Variants in DPY19L2 observed in about 807,000 individuals in gnomAD.
DPY19L2 encodes the protein probable C-mannosyltransferase DPY19L2.
In DPY19L2, 34 loss-of-function variants were observed where a neutral mutation model predicts 97.9. That is an observed-to-expected ratio of 0.35 (90% confidence interval 0.26 to 0.46). The LOEUF is 0.46. DPY19L2 is among the 20% of genes least tolerant of loss of function. DPY19L2 has a pLI of 1.00. For missense variants in DPY19L2, 623 were observed against 911.4 expected (o/e 0.68, Z 4.07); for synonymous variants, 230 against 307.9 (o/e 0.75, Z 2.65).
At chr12:63,666,564 T>C (rs76861405) in intron 1 of DPY19L2, 71,918 of 427,948 alleles carry the variant, frequency 0.17, 6,634 homozygotes, top group East Asian at 0.28. Context: ...TTTCAATTCC[T>C]CTGGAGAGAG....
intron 16 of DPY19L2, among the ~76,000 whole-genome samples, chr12:63,587,717 T>C (rs1460836388): frequency 1.3e-5 from 2 of 151,850 alleles, no homozygotes; most frequent in Non-Finnish European, 2.9e-5. Flanking sequence ...CGATTACAGG[T>C]GTGTGCCACC....
At position 63,597,867 on chromosome 12, in the gene DPY19L2, G is replaced by C. The variant is rs771168622; in HGVS notation, c.1403C>G (p.Thr468Arg). The C allele has an allele frequency of 1.2e-6, 2 of 1,605,364 alleles. No homozygotes were observed. The highest frequency in any genetic ancestry group is 1.7e-6 in the Non-Finnish European group (2 of 1,177,354). ...DLIAARILRY[T>R]DFDTLIYTCA... ...GGTATATATTAAAGTATCAAAATCTGTATACCTTAAGATTCTGGCTGCTAT... is the reference window on the plus strand; with the variant it reads ...GGTATATATTAAAGTATCAAAATCTCTATACCTTAAGATTCTGGCTGCTAT... The change falls in exon 14 of 22, where the codon ACA (threonine) becomes AGA (arginine). Residue 468 changes from threonine to arginine, a missense_variant. Around this residue, in one of 6 missense-constraint regions of DPY19L2, gnomAD observed 294 missense variants for 446.2 expected, o/e 0.66. Transcript: ENST00000324472.
intron 4 of DPY19L2, among the ~76,000 whole-genome samples, chr12:63,660,342 T>C (rs1211954935): frequency 1.3e-5 from 2 of 151,764 alleles, no homozygotes; most frequent in Admixed American, 6.6e-5. Context: ...AATATATATA[T>C]ACAGAAAGTT....
At chr12:63,586,080 A>G (rs1044242911) in intron 16 of DPY19L2, among the ~76,000 whole-genome samples, 12 of 152,296 alleles carry the variant, frequency 7.9e-5, no homozygotes, top group African/African-American at 2.9e-4. Flanking sequence ...GGCTAAAGTG[A>G]AAGAATAAGA....
chr12:63,573,463 G>A (rs1879261206), intron 19 of DPY19L2, among the ~76,000 whole-genome samples: 1 of 152,016 alleles, frequency 6.6e-6, no homozygotes, highest in Non-Finnish European at 1.5e-5. Context: ...AGCCTTTAAA[G>A]GGAAAAATCT....
At chr12:63,661,203 A>G in intron 4 of DPY19L2, 141 bp downstream of exon 4, 1 of 771,210 alleles carries the variant, frequency 1.3e-6, no homozygotes, top group Non-Finnish European at 1.9e-6. Flanking sequence ...GGAACTTATG[A>G]TATTCTACTC....
intron 15 of DPY19L2, among the ~76,000 whole-genome samples, chr12:63,595,483 G>C (rs1762674735): frequency 6.6e-6 from 1 of 152,104 alleles, no homozygotes; most frequent in South Asian, 2.1e-4. Flanking sequence ...TTTTCAATTA[G>C]CTATACAGAT....
intron 8 of DPY19L2, chr12:63,623,781 T>G (rs1889086425): frequency 3.0e-6 from 1 of 333,860 alleles, no homozygotes; most frequent in Admixed American, 3.9e-5. Context: ...CTCGGCTCAC[T>G]GCAACCTCCA....
chr12:63,574,009 T>C (rs113106734), intron 19 of DPY19L2, among the ~76,000 whole-genome samples: 2,823 of 152,122 alleles, frequency 0.019, 79 homozygotes, highest in African/African-American at 0.064. Flanking sequence ...TAATAGTAAG[T>C]ACACAGAGAA....
At chr12:63,597,619 A>AT (rs1440046715) in intron 14 of DPY19L2, among the ~76,000 whole-genome samples, 190 bp downstream of exon 14, 3 of 142,882 alleles carry the variant, frequency 2.1e-5, no homozygotes, top group Non-Finnish European at 3.0e-5. Flanking sequence ...CAATAACTCT[A>AT]TAAGATAGAG....
Position 63,626,526 on chromosome 12 carries a change from A to G in DPY19L2, c.804T>C (p.Ser268=). 2 of 1,488,094 alleles carry G rather than the reference A, an allele frequency of 1.3e-6. No individual in the cohort carries two copies. Among genetic ancestry groups the G allele is most frequent in the Non-Finnish European group, 1.8e-6 (2 of 1,114,690 alleles). The allele number at this position is 1,488,094 out of a possible 1,614,324, so 92.2% of individuals were successfully genotyped here. Residue 268 remains serine, a splice_region_variant and synonymous_variant, in exon 7 of 22, where the codon AGT becomes AGC. Coordinates refer to ENST00000324472, the MANE Select transcript of DPY19L2 (RefSeq NM_173812.5). The part of the protein sequence containing the change: ...GLFFMYGAYL[S]GTQLGGLITV... ...TAATAAGACCTCCCAGTTGAGTCCC[A>G]CTGTAAAAAAAAAACAAAAAAAACA...
Position 63,580,727 on chromosome 12 carries a change from A to G in DPY19L2, c.1835T>C (p.Ile612Thr), listed in dbSNP as rs1880719117. ...CTGAGGCAAATTATTAAATTCTCCT[A>G]TTATGCTCCATTGATTACGGAGGTT... Reference protein sequence around the residue: ...YANLRNQWSIIGEFNNLPQEE... With the variant: ...YANLRNQWSITGEFNNLPQEE... The change falls in exon 19 of 22, where the codon ATA (isoleucine) becomes ACA (threonine). Residue 612 changes from isoleucine to threonine, a missense_variant. Around this residue, in one of 6 missense-constraint regions of DPY19L2, gnomAD observed 294 missense variants for 446.2 expected, o/e 0.66. Coordinates refer to ENST00000324472, the MANE Select transcript of DPY19L2 (RefSeq NM_173812.5). 1 of 1,613,616 alleles carries G rather than the reference A, an allele frequency of 6.2e-7. No homozygotes were observed. Among genetic ancestry groups the G allele is most frequent in the East Asian group, 2.2e-5 (1 of 44,866 alleles).
intron 6 of DPY19L2, among the ~76,000 whole-genome samples, chr12:63,640,413 T>C (rs1168570613): frequency 6.6e-6 from 1 of 152,144 alleles, no homozygotes; most frequent in Non-Finnish European, 1.5e-5. Context: ...CCTTGTTTGA[T>C]TGGAAGAAGG....
chr12:63,587,529 CAG>C (rs1881997041), intron 16 of DPY19L2, among the ~76,000 whole-genome samples: 3 of 149,856 alleles, frequency 2.0e-5, no homozygotes, highest in Admixed American at 2.0e-4. Flanking sequence ...AAATATACAA[CAG>C]AAGAAACTAG....
chr12:63,633,450 G>C (rs970569304), intron 6 of DPY19L2, among the ~76,000 whole-genome samples: 1 of 152,092 alleles, frequency 6.6e-6, no homozygotes, highest in Non-Finnish European at 1.5e-5. Context: ...GCAGCCAATA[G>C]ACACACGAAA....
chr12:63,622,794 C>T lies in DPY19L2; in HGVS notation c.953+1246G>A, dbSNP rs559547467. The stretch of plus-strand genomic sequence containing the variant: ...TACAAAAATTAGCTGGGGATGGTGG[C>T]GTGCACCTGTAATCCCAGCTACTTG... On this transcript the variant is annotated intron_variant, in intron 8 of 21. Transcript: ENST00000324472. 1.1e-3 allele frequency among the ~76,000 whole-genome samples: 167 copies of T among 152,142 alleles called. 1 individual carries two copies. The South Asian group carries it at 0.011, about 10-fold the overall frequency.
chr12:63,631,911 T>C (rs2137951657), intron 6 of DPY19L2, among the ~76,000 whole-genome samples: 1 of 152,178 alleles, frequency 6.6e-6, no homozygotes, highest in East Asian at 1.9e-4. Context: ...TAGTTCAACA[T>C]ACGCAAATCA....
intron 9 of DPY19L2, 78 bp from the exon 10 acceptor site, chr12:63,618,306 TAA>T (rs998346747): frequency 1.8e-6 from 1 of 552,310 alleles, no homozygotes; most frequent in African/African-American, 1.9e-5. Context: ...AAAGTAAATA[TAA>T]GAGGAGGGCT....
chr12:63,626,086 T>C (rs1889490379), intron 7 of DPY19L2, among the ~76,000 whole-genome samples: 1 of 134,894 alleles, frequency 7.4e-6, no homozygotes. Flanking sequence ...GGAATGTGGA[T>C]AAGTAACTTA....
Sources: gnomAD v4.1 joint callset for allele counts (sites outside exome capture counted in the v4.1 genomes callset) on GRCh38, gnomAD v4.1.1 for gene constraint, gnomAD v4.1.1 regional missense constraint, MANE v1.5 for transcripts, NCBI Gene and HGNC (gene_info 2026-07-23, HGNC 2026-07-21) for gene names.